Variants in BICD1 observed in about 807,000 individuals in gnomAD.
BICD1 encodes the protein protein bicaudal D homolog 1.
BICD1 carries 35 observed loss-of-function variants against 92.5 expected under a neutral mutation model. The ratio of observed to expected loss-of-function variants is 0.38; its 90% CI spans 0.29 to 0.50. BICD1 has a LOEUF of 0.50. Ranked by LOEUF, BICD1 falls within the 20% of genes least tolerant of loss-of-function variation. The pLI, the probability that BICD1 is intolerant of heterozygous loss-of-function variation, is 0.93. For synonymous variants in BICD1, 429 were observed against 465.1 expected, an observed-to-expected ratio of 0.92 and a Z score of 1.00; for missense variants, 950 against 1,189.8, an observed-to-expected ratio of 0.80 and a Z score of 2.97.
chr12:32,240,293 T>G (rs1413731530), intron 2 of BICD1, among the ~76,000 whole-genome samples: 2 of 152,220 alleles, frequency 1.3e-5, no homozygotes, highest in African/African-American at 4.8e-5. Flanking sequence ...TATTCCCTTG[T>G]AGTTCTAGAG....
intron 4 of BICD1, among the ~76,000 whole-genome samples, chr12:32,316,902 G>A (rs1385304710): frequency 6.6e-6 from 1 of 151,920 alleles, no homozygotes; most frequent in African/African-American, 2.4e-5. Context: ...TCCCCTTCCT[G>A]TGTCCATGTG....
intron 1 of BICD1, among the ~76,000 whole-genome samples, chr12:32,202,975 A>T (rs1437513813): frequency 6.6e-6 from 1 of 152,144 alleles, no homozygotes; most frequent in Admixed American, 6.6e-5. Context: ...TTCTCAGGGG[A>T]ACTGGCTCCT....
chr12:32,283,318 A>G (rs141132988), intron 2 of BICD1, among the ~76,000 whole-genome samples: 63 of 150,320 alleles, frequency 4.2e-4, no homozygotes, highest in African/African-American at 1.5e-3. Flanking sequence ...CGAAGTCAGG[A>G]TCTGAACCCG....
At chr12:32,280,646 T>C (rs1288417968) in intron 2 of BICD1, among the ~76,000 whole-genome samples, 1 of 152,250 alleles carries the variant, frequency 6.6e-6, no homozygotes. Flanking sequence ...CTGCATCTGC[T>C]ATTTCTCCAT....
chr12:32,154,171 T>C (rs1347439698), intron 1 of BICD1, among the ~76,000 whole-genome samples: 1 of 152,218 alleles, frequency 6.6e-6, no homozygotes, highest in African/African-American at 2.4e-5. Flanking sequence ...AAGTTCATTA[T>C]GATAAAGTTA....
intron 1 of BICD1, among the ~76,000 whole-genome samples, chr12:32,122,326 AAAAATAC>A (rs1166488702): frequency 2.0e-5 from 3 of 151,924 alleles, no homozygotes; most frequent in African/African-American, 7.2e-5. Flanking sequence ...CGTCTCTATG[AAAAATAC>A]AAAAAATTAG....
chr12:32,373,162 A>G (rs1006515990), intron 9 of BICD1, among the ~76,000 whole-genome samples: 9 of 152,238 alleles, frequency 5.9e-5, no homozygotes, highest in African/African-American at 2.2e-4. Flanking sequence ...CATTTACAAC[A>G]TGATCTACCT....
chr12:32,255,196 C>T (rs965701566), intron 2 of BICD1, among the ~76,000 whole-genome samples: 3 of 152,146 alleles, frequency 2.0e-5, no homozygotes, highest in African/African-American at 4.8e-5. Flanking sequence ...AAGACAGATT[C>T]GCTGATGTCT....
chr12:32,298,884 A>AAAG (rs1947956177), intron 3 of BICD1, among the ~76,000 whole-genome samples: 1 of 151,752 alleles, frequency 6.6e-6, no homozygotes, highest in African/African-American at 2.4e-5. Context: ...AAAAAAAAAA[A>AAAG]AAAAAGAATA....
intron 2 of BICD1, among the ~76,000 whole-genome samples, chr12:32,230,787 C>T (rs905331647): frequency 1.3e-5 from 2 of 152,184 alleles, no homozygotes; most frequent in Non-Finnish European, 2.9e-5. Flanking sequence ...AGTGAAATAG[C>T]ACTTCAGAGA....
intron 2 of BICD1, among the ~76,000 whole-genome samples, chr12:32,237,239 G>T (rs995233174): frequency 1.3e-5 from 2 of 152,240 alleles, no homozygotes; most frequent in African/African-American, 2.4e-5. Context: ...GGCTGAGAAA[G>T]GTGAGGAACT....
chr12:32,147,691 A>G (rs1186648213), intron 1 of BICD1, among the ~76,000 whole-genome samples: 1 of 152,234 alleles, frequency 6.6e-6, no homozygotes, highest in African/African-American at 2.4e-5. Context: ...GGCAGTAAAT[A>G]CACAGTTGTG....
At position 32,216,379 on chromosome 12, in the gene BICD1, C is replaced by G. The variant is rs945989848; in HGVS notation, c.346C>G (p.Leu116Val). Residue 116 changes from leucine to valine, a missense_variant, in exon 2 of 10, where the codon CTG becomes GTG. Coordinates refer to ENST00000652176, the MANE Select transcript of BICD1 (RefSeq NM_001714.4). ...GAAGATCTTGGAGATGCAGAACGAGCTGAAACAGAGCCGGGCTGTGGTCAC... is the reference window on the plus strand; with the variant it reads ...GAAGATCTTGGAGATGCAGAACGAGGTGAAACAGAGCCGGGCTGTGGTCAC... ...LGKILEMQNE[L>V]KQSRAVVTNV... 6.2e-7 allele frequency: 1 copy of G among 1,614,090 alleles called. No homozygotes were observed. The highest frequency in any genetic ancestry group is 1.7e-5 in the Admixed American group (1 of 60,024).
chr12:32,308,781 G>C (rs1441974650), intron 4 of BICD1, among the ~76,000 whole-genome samples: 2 of 152,160 alleles, frequency 1.3e-5, no homozygotes, highest in East Asian at 1.9e-4. Flanking sequence ...AGTCTATTGA[G>C]AAAGCTGTGT....
chr12:32,351,504 A>AG (rs1938878380), intron 8 of BICD1, among the ~76,000 whole-genome samples: 1 of 150,212 alleles, frequency 6.7e-6, no homozygotes, highest in African/African-American at 2.4e-5. Flanking sequence ...AAAAAAAAAA[A>AG]AAAAAAAGAA....
At chr12:32,333,735 TTCAG>T (rs1337821366) in intron 5 of BICD1, among the ~76,000 whole-genome samples, 3 of 152,230 alleles carry the variant, frequency 2.0e-5, no homozygotes, top group South Asian at 2.1e-4. Context: ...TATGCATTGA[TTCAG>T]TCAGTGTGTT....
chr12:32,131,860 A>C (rs1316379770), intron 1 of BICD1, among the ~76,000 whole-genome samples: 3 of 152,204 alleles, frequency 2.0e-5, no homozygotes, highest in Non-Finnish European at 1.5e-5. Context: ...GGAGAAAGGC[A>C]ACAAAAGCTT....
At chr12:32,336,052 A>G (rs1938107237) in intron 6 of BICD1, among the ~76,000 whole-genome samples, 3 of 152,200 alleles carry the variant, frequency 2.0e-5, no homozygotes, top group Admixed American at 2.0e-4. Flanking sequence ...GGAGTCCCCC[A>G]GAAACTGAGA....
chr12:32,194,018 A>G (rs1944650395), intron 1 of BICD1, among the ~76,000 whole-genome samples: 2 of 152,230 alleles, frequency 1.3e-5, no homozygotes, highest in Admixed American at 6.5e-5. Context: ...AATGAAATGT[A>G]TCTCTGAGAT....
Sources: allele counts gnomAD v4.1 joint callset (sites outside exome capture counted in the v4.1 genomes callset), GRCh38; gene constraint gnomAD v4.1.1; transcripts MANE v1.5; gene names NCBI Gene and HGNC (gene_info 2026-07-23, HGNC 2026-07-21).